The following KLHL1 variants were observed in gnomAD, a reference collection of about 807,000 sequenced individuals.
KLHL1 encodes kelch-like protein 1.
Under a neutral mutation model 77.7 loss-of-function variants are expected in KLHL1, and 47 were observed. The observed-to-expected ratio is 0.60, with a 90% CI of 0.48 to 0.77. KLHL1 has a LOEUF of 0.77. Among genes scored for constraint, KLHL1 ranks in the 30% least tolerant of loss-of-function variants. KLHL1 has a pLI of 0.00. For missense variants in KLHL1, 925 were observed against 910.8 expected (o/e 1.02, Z -0.20); for synonymous variants, 360 against 325.2 (o/e 1.11, Z -1.15).
chr13:69,705,718 T>C (rs1040413310), intron 10 of KLHL1, among the ~76,000 whole-genome samples: 30 of 151,854 alleles, frequency 2.0e-4, no homozygotes, highest in Non-Finnish European at 3.2e-4. Flanking sequence ...TGTATTAAAA[T>C]AAAGTTGTTA....
chr13:70,022,778 T>C (rs995861696), intron 1 of KLHL1, among the ~76,000 whole-genome samples: 2 of 136,788 alleles, frequency 1.5e-5, no homozygotes, highest in Admixed American at 1.6e-4. Context: ...CAAGTTATTC[T>C]CCAAGCATAA....
At chr13:69,934,258 A>G (rs1238822802) in intron 4 of KLHL1, among the ~76,000 whole-genome samples, 3 of 152,186 alleles carry the variant, frequency 2.0e-5, no homozygotes, top group African/African-American at 7.2e-5. Flanking sequence ...TGTGCCAAGC[A>G]CGATGGCAGA....
At chr13:69,772,062 C>T (rs1875597459) in intron 7 of KLHL1, among the ~76,000 whole-genome samples, 1 of 152,090 alleles carries the variant, frequency 6.6e-6, no homozygotes, top group Non-Finnish European at 1.5e-5. Context: ...AGCAATTATC[C>T]TGCCTTTGCC....
chr13:70,080,645 G>T (rs1248337931), intron 1 of KLHL1, among the ~76,000 whole-genome samples: 1 of 152,026 alleles, frequency 6.6e-6, no homozygotes, highest in Non-Finnish European at 1.5e-5. Flanking sequence ...TCACCAGGCT[G>T]GGGTGCAGTG....
At chr13:69,788,207 C>G (rs1593832875) in intron 7 of KLHL1, among the ~76,000 whole-genome samples, 1 of 152,176 alleles carries the variant, frequency 6.6e-6, no homozygotes, top group African/African-American at 2.4e-5. Context: ...AAGATACATG[C>G]ACACATATGT....
intron 6 of KLHL1, among the ~76,000 whole-genome samples, chr13:69,833,725 A>G (rs1465193446): frequency 6.8e-6 from 1 of 147,982 alleles, no homozygotes; most frequent in Non-Finnish European, 1.5e-5. Flanking sequence ...CCATCAATCA[A>G]TGAGTGGATA....
chr13:70,072,814 T>C (rs959135301), intron 1 of KLHL1, among the ~76,000 whole-genome samples: 1 of 152,066 alleles, frequency 6.6e-6, no homozygotes, highest in Non-Finnish European at 1.5e-5. Context: ...TAAAAAACTT[T>C]TATTTAAAAA....
At chr13:70,092,949 T>C (rs991702471) in intron 1 of KLHL1, among the ~76,000 whole-genome samples, 7 of 152,118 alleles carry the variant, frequency 4.6e-5, no homozygotes, top group Non-Finnish European at 7.4e-5. Flanking sequence ...TGTAGAATAA[T>C]ACTTATGAAA....
chr13:69,966,867 G>C (rs1242590622), intron 2 of KLHL1, among the ~76,000 whole-genome samples: 2 of 152,010 alleles, frequency 1.3e-5, no homozygotes, highest in African/African-American at 4.8e-5. Flanking sequence ...TATGACATTT[G>C]TCTTTCTGTG....
At chr13:69,942,295 G>T (rs972394845) in intron 3 of KLHL1, among the ~76,000 whole-genome samples, 1 of 151,918 alleles carries the variant, frequency 6.6e-6, no homozygotes, top group Non-Finnish European at 1.5e-5. Context: ...TGGAAGGCAG[G>T]TTGCACTAAA....
At chr13:70,025,981 A>G (rs1295973420) in intron 1 of KLHL1, among the ~76,000 whole-genome samples, 1 of 152,106 alleles carries the variant, frequency 6.6e-6, no homozygotes, top group Non-Finnish European at 1.5e-5. Flanking sequence ...AGGCAGCAAA[A>G]GCCTTGTCTC....
chr13:69,735,701 T>C (rs1369972478), intron 8 of KLHL1, among the ~76,000 whole-genome samples: 1 of 151,464 alleles, frequency 6.6e-6, no homozygotes, highest in Non-Finnish European at 1.5e-5. Flanking sequence ...AGTACAACTA[T>C]CTTCTCAGAA....
intron 1 of KLHL1, among the ~76,000 whole-genome samples, chr13:70,004,702 T>G (rs1192276741): frequency 1.3e-5 from 2 of 151,886 alleles, no homozygotes; most frequent in Admixed American, 1.3e-4. Flanking sequence ...TAAAAATACT[T>G]TTTTAAAATG....
chr13:69,898,742 T>G (rs549428960), intron 4 of KLHL1, among the ~76,000 whole-genome samples: 56 of 152,338 alleles, frequency 3.7e-4, no homozygotes, highest in Non-Finnish European at 2.1e-4. Context: ...TAATAATACC[T>G]AGTGCCATTG....
intron 4 of KLHL1, among the ~76,000 whole-genome samples, chr13:69,900,032 T>C (rs1881800550): frequency 6.6e-6 from 1 of 152,076 alleles, no homozygotes; most frequent in Non-Finnish European, 1.5e-5. Context: ...ATGGCACACC[T>C]CTTTAGGAGA....
chr13:69,924,879 A>G (rs533274213), intron 4 of KLHL1, among the ~76,000 whole-genome samples: 1 of 152,280 alleles, frequency 6.6e-6, no homozygotes, highest in Admixed American at 6.5e-5. Flanking sequence ...TGTTTGTGGG[A>G]CGCCTGGTCC....
chr13:69,834,848 G>T (rs1878920943), intron 6 of KLHL1, among the ~76,000 whole-genome samples: 1 of 151,906 alleles, frequency 6.6e-6, no homozygotes, highest in African/African-American at 2.4e-5. Flanking sequence ...TTCCTGTTTA[G>T]GTCCAGATTT....
At chr13:69,781,285 CTTTT>C (rs869083780) in intron 7 of KLHL1, among the ~76,000 whole-genome samples, 2,386 of 119,678 alleles carry the variant, frequency 0.02, 36 homozygotes, top group African/African-American at 0.07. Context: ...TTTTTTCTTT[CTTTT>C]TTTTTTTTTT....
chr13:69,909,173 GAGAGAAAGTGGAATATATTTGTAAGTT>G (rs1472451300), intron 4 of KLHL1, among the ~76,000 whole-genome samples: 3 of 151,416 alleles, frequency 2.0e-5, no homozygotes, highest in African/African-American at 7.3e-5. Context: ...GAAAGAGAGA[GAGAGAAAGTGGAATATATTTGTAAGTT>G]AGATGCTTAC....
Sources: allele counts gnomAD v4.1 joint callset (sites outside exome capture counted in the v4.1 genomes callset), GRCh38; gene constraint gnomAD v4.1.1; transcripts MANE v1.5; gene names NCBI Gene and HGNC (gene_info 2026-07-23, HGNC 2026-07-21).